The following TMEM135 variants were observed in gnomAD, a reference collection of about 807,000 sequenced individuals.
TMEM135 encodes the protein transmembrane protein 135, also known as peroxisomal membrane protein 52.
Under a neutral mutation model 60.3 loss-of-function variants are expected in TMEM135, and 30 were observed. The ratio of observed to expected loss-of-function variants is 0.50; its 90% confidence interval spans 0.37 to 0.68. The LOEUF is 0.68. TMEM135 is among the 30% of genes least tolerant of loss of function. The probability of loss-of-function intolerance (pLI) is 0.00; values close to 1 mark genes in which losing one functional copy is unlikely to be tolerated. For synonymous variants in TMEM135, 190 were observed against 186.7 expected (o/e 1.02, Z -0.14); for missense variants, 468 against 548.8 (o/e 0.85, Z 1.47).
chr11:87,202,017 T>TATGTTATGTA, intron 5 of TMEM135, among the ~76,000 whole-genome samples: 1 of 127,294 alleles, frequency 7.9e-6, no homozygotes, highest in Admixed American at 8.1e-5. Flanking sequence ...TATGTAATGT[T>TATGTTATGTA]ATGTTATGTT....
chr11:87,268,418 T>C (rs1412153388), intron 6 of TMEM135, among the ~76,000 whole-genome samples: 1 of 151,970 alleles, frequency 6.6e-6, no homozygotes, highest in Admixed American at 6.6e-5. Flanking sequence ...GCCAGGCCCC[T>C]GCTCCTTTCT....
At chr11:87,064,297 T>A (rs1466298821) in intron 1 of TMEM135, among the ~76,000 whole-genome samples, 1 of 152,046 alleles carries the variant, frequency 6.6e-6, no homozygotes, top group Non-Finnish European at 1.5e-5. Flanking sequence ...ATTGAACTTT[T>A]AATTTTGAGA....
intron 5 of TMEM135, among the ~76,000 whole-genome samples, chr11:87,162,733 C>T (rs1045841550): frequency 6.6e-6 from 1 of 152,118 alleles, no homozygotes; most frequent in African/African-American, 2.4e-5. Flanking sequence ...CATGTATATG[C>T]CCATTAATGG....
chr11:87,209,622 A>C (rs192760971), intron 5 of TMEM135, among the ~76,000 whole-genome samples: 119 of 152,274 alleles, frequency 7.8e-4, no homozygotes, highest in Non-Finnish European at 1.0e-3. Context: ...ACCCTACTAG[A>C]CAGATCATTG....
chr11:87,256,991 C>A (rs1941539775), intron 6 of TMEM135, among the ~76,000 whole-genome samples: 1 of 151,968 alleles, frequency 6.6e-6, no homozygotes, highest in South Asian at 2.1e-4. Flanking sequence ...ATTATGTAGG[C>A]TATATGATTA....
At position 87,323,547 on chromosome 11, in the gene TMEM135, T is replaced by C; in HGVS notation, c.*2214T>C. ...ATTCCAAAATATGTTTTTTAGTTTA[T>C]TTATATCCTGAAGAAATGGTAAGTT... On this transcript the variant is annotated 3_prime_UTR_variant, in exon 15 of 15. Coordinates refer to ENST00000305494, the MANE Select transcript of TMEM135 (RefSeq NM_022918.4). The C allele has an allele frequency of 2.2e-6, 1 of 453,262 alleles. No individual in the cohort carries two copies. The highest frequency in any genetic ancestry group is 4.4e-6 in the Non-Finnish European group (1 of 226,590). The allele number at this position is 453,262 out of a possible 1,614,324, so 28.1% of individuals were successfully genotyped here.
chr11:87,131,805 A>G (rs968728728), intron 4 of TMEM135, among the ~76,000 whole-genome samples: 1 of 152,176 alleles, frequency 6.6e-6, no homozygotes, highest in African/African-American at 2.4e-5. Flanking sequence ...GCCATACAAC[A>G]GGAGGTGAAT....
intron 4 of TMEM135, among the ~76,000 whole-genome samples, chr11:87,142,955 A>G (rs597319): frequency 0.36 from 54,137 of 149,986 alleles, 10,298 homozygotes; most frequent in East Asian, 0.67. Flanking sequence ...AATTACATGC[A>G]TTGAACTATT....
intron 6 of TMEM135, among the ~76,000 whole-genome samples, chr11:87,252,707 G>GT (rs1941441475): frequency 6.6e-6 from 1 of 151,244 alleles, no homozygotes; most frequent in African/African-American, 2.4e-5. Context: ...GGAGGTGGAG[G>GT]CTGTGGTGAG....
chr11:87,039,464 G>A (rs1167640617), intron 1 of TMEM135, among the ~76,000 whole-genome samples: 1 of 152,216 alleles, frequency 6.6e-6, no homozygotes, highest in Non-Finnish European at 1.5e-5. Context: ...GTAGAGGCCA[G>A]TAATTGTTAT....
intron 4 of TMEM135, among the ~76,000 whole-genome samples, chr11:87,111,341 T>C (rs766952850): frequency 2.6e-5 from 4 of 152,110 alleles, no homozygotes; most frequent in Non-Finnish European, 4.4e-5. Context: ...GATTTTGTCT[T>C]CTATGTCTAT....
intron 4 of TMEM135, among the ~76,000 whole-genome samples, chr11:87,123,628 T>C (rs1244110304): frequency 6.6e-6 from 1 of 152,132 alleles, no homozygotes; most frequent in African/African-American, 2.4e-5. Flanking sequence ...AATAGAAAAA[T>C]AATTGTTATT....
chr11:87,150,397 C>G (rs1178391808), intron 4 of TMEM135, among the ~76,000 whole-genome samples: 1 of 152,094 alleles, frequency 6.6e-6, no homozygotes, highest in African/African-American at 2.4e-5. Context: ...GCCTACACTG[C>G]TATTCTTGTT....
intron 4 of TMEM135, among the ~76,000 whole-genome samples, chr11:87,147,143 G>A (rs930912665): frequency 1.3e-5 from 2 of 152,046 alleles, no homozygotes; most frequent in African/African-American, 2.4e-5. Flanking sequence ...CCAACATGGC[G>A]AAACCCCGTC....
chr11:87,182,484 T>C (rs1939541218), intron 5 of TMEM135, among the ~76,000 whole-genome samples: 1 of 152,144 alleles, frequency 6.6e-6, no homozygotes, highest in South Asian at 2.1e-4. Flanking sequence ...GAAATATGTG[T>C]TTGTGAGCAG....
At chr11:87,249,644 C>T (rs191269450) in intron 6 of TMEM135, among the ~76,000 whole-genome samples, 16 of 152,144 alleles carry the variant, frequency 1.1e-4, no homozygotes, top group South Asian at 4.1e-4. Context: ...GTTGAAACAT[C>T]CTTGTATCCC....
intron 5 of TMEM135, among the ~76,000 whole-genome samples, chr11:87,188,916 G>A (rs1411843330): frequency 6.6e-6 from 1 of 151,748 alleles, no homozygotes; most frequent in Non-Finnish European, 1.5e-5. Context: ...ATGAACATTT[G>A]GTACATGTGC....
intron 6 of TMEM135, among the ~76,000 whole-genome samples, chr11:87,244,509 T>A (rs1381604449): frequency 1.1e-5 from 1 of 94,742 alleles, no homozygotes; most frequent in Non-Finnish European, 2.5e-5. Context: ...AAGCTATTGA[T>A]TATTGCCACA....
chr11:87,219,290 G>A (rs187137869), intron 5 of TMEM135, among the ~76,000 whole-genome samples: 1 of 152,178 alleles, frequency 6.6e-6, no homozygotes, highest in African/African-American at 2.4e-5. Context: ...CTACAGACTA[G>A]ATGGCTTATT....
Sources: allele counts gnomAD v4.1 joint callset (sites outside exome capture counted in the v4.1 genomes callset), GRCh38; gene constraint gnomAD v4.1.1; transcripts MANE v1.5; gene names NCBI Gene and HGNC (gene_info 2026-07-23, HGNC 2026-07-21).